Variants in CARF observed in about 807,000 individuals in gnomAD.
CARF encodes calcium responsive transcription factor.
Under a neutral mutation model 82.0 loss-of-function variants are expected in CARF, and 57 were observed. The ratio of observed to expected loss-of-function variants is 0.70; its 90% CI spans 0.56 to 0.87. The LOEUF is 0.87. Ranked by LOEUF, CARF falls within the 40% of genes least tolerant of loss-of-function variation. The pLI, the probability that CARF is intolerant of heterozygous loss-of-function variation, is 0.00. For synonymous variants in CARF, 268 were observed against 290.1 expected (o/e 0.92, Z 0.77); for missense variants, 771 against 855.8 (o/e 0.90, Z 1.24).
In CARF at chr2:202,959,342, G is replaced by A. The variant is rs569239773; in HGVS notation, c.643-1895G>A. On this transcript the variant is annotated intron_variant, in intron 8 of 16. Coordinates refer to ENST00000438828, the MANE Select transcript of CARF (RefSeq NM_024744.17). Reference sequence around the variant, plus strand: ...CAGATTATCTCTTAACTATTATAACGAAAAGTACAGCCACAACAGTATTTT... The same window carrying A: ...CAGATTATCTCTTAACTATTATAACAAAAAGTACAGCCACAACAGTATTTT... Among the ~76,000 whole-genome samples the A allele has an allele frequency of 5.9e-5, 9 of 152,160 alleles. No homozygotes were observed. In the South Asian group the frequency reaches 6.2e-4, roughly 11 times the overall value.
chr2:202,917,334 C>T (rs1249882261), intron 1 of CARF, among the ~76,000 whole-genome samples: 1 of 149,846 alleles, frequency 6.7e-6, no homozygotes, highest in Non-Finnish European at 1.5e-5. Context: ...TTCTAGAAAG[C>T]AATTTGCCGG....
At position 202,978,827 on chromosome 2, in the gene CARF, T is replaced by C. The variant is rs191438187; in HGVS notation, c.1558+1495T>C. On this transcript the variant is annotated intron_variant, in intron 14 of 16. Transcript: ENST00000438828. ...CTGAAATTTTATAGACCTAGGACTG[T>C]AAGCTGGATGGGGGAAGAATTTTAT... Among the ~76,000 whole-genome samples the C allele has an allele frequency of 1.8e-3, 277 of 152,248 alleles. 1 individual carries two copies. Among genetic ancestry groups the C allele is most frequent in the Non-Finnish European group, 1.7e-3 (113 of 68,008 alleles).
rs1427204185 is a variant in CARF, at chr2:202,966,963, G to T, written c.833-15G>T. ...GACACTTGAATTAATATCAATAGTT[G>T]GTTTTGGCCCACAGGGAGTAGAGCT... On this transcript the variant is annotated splice_polypyrimidine_tract_variant and intron_variant, in intron 9 of 16. Coordinates refer to ENST00000438828, the MANE Select transcript of CARF (RefSeq NM_024744.17). 1 of 1,610,730 alleles carries T rather than the reference G, an allele frequency of 6.2e-7. No individual in the cohort carries two copies. Among genetic ancestry groups the T allele is most frequent in the East Asian group, 2.2e-5 (1 of 44,820 alleles).
intron 3 of CARF, among the ~76,000 whole-genome samples, chr2:202,933,902 A>G (rs1451947081): frequency 6.6e-6 from 1 of 151,596 alleles, no homozygotes; most frequent in East Asian, 1.9e-4. Context: ...TTTACACACC[A>G]CTATACAAAC....
Position 202,942,963 on chromosome 2 carries a change from A to C in CARF, c.302A>C (p.Gln101Pro), listed in dbSNP as rs759090790. The C allele has an allele frequency of 6.2e-7, 1 of 1,612,552 alleles. No homozygotes were observed. Among genetic ancestry groups the C allele is most frequent in the Non-Finnish European group, 8.5e-7 (1 of 1,178,774 alleles). Residue 101 changes from glutamine (Q) to proline (P), a missense_variant, in exon 5 of 17, where the codon CAA (glutamine) becomes CCA (proline). Physicochemically the swap from Gln to Pro is moderately conservative, Grantham distance 76 (BLOSUM62 -1). Transcript: ENST00000438828. ...CAGTCATTGGGGGAATCCAATGCACAAATGGTGAGTATATTTTATAAGTAA... is the reference window on the plus strand; with the variant it reads ...CAGTCATTGGGGGAATCCAATGCACCAATGGTGAGTATATTTTATAAGTAA... The part of the protein sequence containing the change: ...ELQSLGESNA[Q>P]MMIVASPTEN...
At chr2:202,916,570 G>T (rs1219517769) in intron 1 of CARF, among the ~76,000 whole-genome samples, 1 of 152,046 alleles carries the variant, frequency 6.6e-6, no homozygotes, top group East Asian at 1.9e-4. Flanking sequence ...ATTAACCAAG[G>T]TATCTGGAAT....
chr2:202,916,314 A>G (rs1019846300), intron 1 of CARF, among the ~76,000 whole-genome samples: 3 of 151,888 alleles, frequency 2.0e-5, no homozygotes, highest in Non-Finnish European at 4.4e-5. Flanking sequence ...CCCAGTAGCT[A>G]GGACTATAGG....
chr2:202,982,265 C>T lies in CARF; in HGVS notation c.1883C>T (p.Thr628Ile), dbSNP rs970452586. ...RDTCLTQNNS[T>I]ASTMGNLPEP... ...ACATGCTTAACCCAAAACAATAGTA[C>T]TGCCTCCACCATGGGTAACCTTCCA... Residue 628 changes from threonine (T) to isoleucine (I), a missense_variant, in exon 16 of 17, where the codon ACT becomes ATT. Transcript: ENST00000438828. 2.1e-5 allele frequency: 34 copies of T among 1,614,010 alleles called. No homozygotes were observed. The highest frequency in any genetic ancestry group is 2.8e-5 in the Non-Finnish European group (33 of 1,180,016).
At chr2:202,916,936 C>A (rs1001683203) in intron 1 of CARF, among the ~76,000 whole-genome samples, 1 of 152,030 alleles carries the variant, frequency 6.6e-6, no homozygotes. Flanking sequence ...GCTCGCCGGG[C>A]GCGGTGGCTC....
In CARF at chr2:202,971,653, C is replaced by T. The variant is rs770327379; in HGVS notation, c.1246C>T (p.Arg416Cys). 10 of 1,613,438 alleles carry T rather than the reference C, an allele frequency of 6.2e-6. No homozygotes were observed. In the African/African-American group the frequency reaches 6.7e-5, roughly 11 times the overall value. ...VRDENCALPSRLHPQVAHKIQ... is the reference protein window; with the variant it reads ...VRDENCALPSCLHPQVAHKIQ... Reference sequence around the variant, plus strand: ...AGATGAGAATTGTGCATTACCCTCACGTTTACATCCTCAAGTAGCACATAA... The same window carrying T: ...AGATGAGAATTGTGCATTACCCTCATGTTTACATCCTCAAGTAGCACATAA... The change falls in exon 12 of 17, where the codon CGT becomes TGT. Residue 416 changes from arginine to cysteine, a missense_variant. Physicochemically the swap from Arg to Cys is radical, Grantham distance 180. Transcript: ENST00000438828.
At chr2:202,960,314 A>G (rs1424767934) in intron 8 of CARF, among the ~76,000 whole-genome samples, 2 of 151,638 alleles carry the variant, frequency 1.3e-5, no homozygotes, top group Non-Finnish European at 2.9e-5. Context: ...CAATGGCACA[A>G]TCTCAACTCA....
chr2:202,915,618 C>T (rs28853886), intron 1 of CARF, among the ~76,000 whole-genome samples: 143 of 151,840 alleles, frequency 9.4e-4, no homozygotes, highest in African/African-American at 2.9e-3. Context: ...TACAGGCACA[C>T]GCCACCACGC....
rs575858957 is a variant in CARF, at chr2:202,983,742, A to C, written c.*118A>C. ...TGGACTGAAGACCAGTTTGATGAGAAGCTTTTATTTAAAACTGATATATTT... is the reference window on the plus strand; with the variant it reads ...TGGACTGAAGACCAGTTTGATGAGACGCTTTTATTTAAAACTGATATATTT... On this transcript the variant is annotated 3_prime_UTR_variant, in exon 17 of 17. Transcript: ENST00000438828. 5.8e-6 allele frequency: 4 copies of C among 684,076 alleles called. No individual in the cohort carries two copies. Among genetic ancestry groups the C allele is most frequent in the South Asian group, 1.7e-5 (1 of 58,252 alleles). 42.4% of individuals were successfully genotyped at this position (684,076 alleles called of 1,614,324 possible).
At chr2:202,961,982 A>G (rs1171041925) in intron 9 of CARF, 1 of 153,410 alleles carries the variant, frequency 6.5e-6, no homozygotes, top group East Asian at 1.9e-4. Context: ...AATCTCTTAG[A>G]CTAGTTAGAG....
intron 10 of CARF, 29 bp downstream of exon 10, chr2:202,967,127 C>G: frequency 6.2e-7 from 1 of 1,603,654 alleles, no homozygotes; most frequent in South Asian, 1.1e-5. Context: ...TATTTGTTTT[C>G]TATTAAGAAC....
At chr2:202,921,274 G>A (rs1023651884) in intron 2 of CARF, among the ~76,000 whole-genome samples, 8 of 152,034 alleles carry the variant, frequency 5.3e-5, no homozygotes, top group African/African-American at 1.9e-4. Context: ...GTGCTGGCTG[G>A]GATTACAGGT....
At chr2:202,953,854 CAG>C (rs1158370091) in intron 6 of CARF, 149 bp from the exon 7 acceptor site, 1 of 520,308 alleles carries the variant, frequency 1.9e-6, no homozygotes, top group Non-Finnish European at 3.0e-6. Flanking sequence ...AAACAAGTAT[CAG>C]AGAAATTCTC....
At chr2:202,945,116 C>G (rs1032338707) in intron 5 of CARF, among the ~76,000 whole-genome samples, 2 of 152,210 alleles carry the variant, frequency 1.3e-5, no homozygotes, top group South Asian at 4.2e-4. Context: ...TTCCGGGAAA[C>G]TTAGTGGAAC....
chr2:202,959,101 C>A (rs2059191164), intron 8 of CARF, among the ~76,000 whole-genome samples: 1 of 151,376 alleles, frequency 6.6e-6, no homozygotes, highest in Non-Finnish European at 1.5e-5. Flanking sequence ...TATCTGTAAG[C>A]CTATTTATAA....
Sources: gnomAD v4.1 joint callset for allele counts (sites outside exome capture counted in the v4.1 genomes callset) on GRCh38, gnomAD v4.1.1 for gene constraint, MANE v1.5 for transcripts, NCBI Gene and HGNC (gene_info 2026-07-23, HGNC 2026-07-21) for gene names.